Variants in ATP6AP2 observed in about 807,000 individuals in gnomAD.
The protein encoded by ATP6AP2 is ATPase H+ transporting accessory protein 2.
ATP6AP2 carries 1 observed loss-of-function variant against 23.4 expected under a neutral mutation model. The ratio of observed to expected loss-of-function variants is 0.04; its 90% confidence interval spans 0.02 to 0.20. The LOEUF (loss-of-function observed/expected upper bound fraction) is 0.20. Among genes scored for constraint, ATP6AP2 ranks in the 10% least tolerant of loss-of-function variants. ATP6AP2 has a pLI of 1.00. For missense variants in ATP6AP2, 174 were observed against 271.3 expected (o/e 0.64, Z 2.52); for synonymous variants, 90 against 97.1 (o/e 0.93, Z 0.43).
intron 8 of ATP6AP2, among the ~76,000 whole-genome samples, chrX:40,602,913 C>CTTTTTT (rs1351897356): frequency 3.5e-4 from 16 of 45,239 alleles, no homozygotes; most frequent in African/African-American, 1.8e-3. Context: ...CCAGAGAATT[C>CTTTTTT]TTTTTTTTTT....
At chrX:40,599,811 T>C in intron 7 of ATP6AP2, 70 bp downstream of exon 7, 1 of 1,161,125 alleles carries the variant, frequency 8.6e-7, no homozygotes, top group Non-Finnish European at 1.2e-6. Context: ...TAGAAAAATC[T>C]GCTGTTTCAA....
chrX:40,587,848 T>A (rs746986455), intron 1 of ATP6AP2, among the ~76,000 whole-genome samples: 21 of 112,367 alleles, frequency 1.9e-4, no homozygotes, highest in African/African-American at 6.8e-4. Flanking sequence ...AAACTCAGCT[T>A]GGGTGACATA....
rs1926813426 is a variant in ATP6AP2 at position 40,597,837 on chromosome X, C to T, written c.534+173C>T. 2 of 475,671 alleles carry T rather than the reference C, an allele frequency of 4.2e-6. 1 individual carries two copies. The highest frequency in any genetic ancestry group is 7.4e-5 in the Admixed American group (2 of 26,896). The allele number at this position is 475,671 out of a possible 1,213,427, so 39.2% of individuals were successfully genotyped here. On this transcript the variant is annotated intron_variant, in intron 5 of 8. Transcript: ENST00000636580. ...ACAGGCTTGAGCCACTGCATCTGGC[C>T]TCCCATTCCTTATACTACTTGAAAT...
intron 2 of ATP6AP2, 196 bp downstream of exon 2, chrX:40,589,312 C>T (rs1368971069): frequency 4.7e-6 from 2 of 425,441 alleles, no homozygotes; most frequent in Non-Finnish European, 7.8e-6. Flanking sequence ...GTGGGAGGCT[C>T]AGTTGAACCC....
intron 3 of ATP6AP2, chrX:40,592,523 G>C (rs1356757403): frequency 1.8e-5 from 2 of 110,593 alleles, no homozygotes; most frequent in East Asian, 5.6e-4. Flanking sequence ...GAAAAAATTT[G>C]TGAAAAAAAG....
At chrX:40,585,115 A>G (rs1926431755) in intron 1 of ATP6AP2, among the ~76,000 whole-genome samples, 1 of 112,520 alleles carries the variant, frequency 8.9e-6, no homozygotes, top group Admixed American at 9.4e-5. Context: ...ATTTGGGTTT[A>G]TCTGATGTTT....
rs778843814 is a variant in ATP6AP2, at chrX:40,602,242, A to G, written c.858+1361A>G. 4.3e-4 allele frequency among the ~76,000 whole-genome samples: 43 copies of G among 101,063 alleles called. 2 individuals are homozygous for G. The highest frequency in any genetic ancestry group is 8.6e-4 in the Admixed American group (8 of 9,310). 87.8% of individuals were successfully genotyped at this position (101,063 alleles called of 115,157 possible). On this transcript the variant is annotated intron_variant, in intron 8 of 8. Transcript: ENST00000636580. ...GGTTGCAGTGAGCCAAGATTGCACCACTGCACTCTAGCCTGGGAGACACAG... is the reference window on the plus strand; with the variant it reads ...GGTTGCAGTGAGCCAAGATTGCACCGCTGCACTCTAGCCTGGGAGACACAG...
intron 3 of ATP6AP2, among the ~76,000 whole-genome samples, chrX:40,594,071 A>G (rs1488561456): frequency 6.4e-5 from 7 of 108,820 alleles, no homozygotes; most frequent in Non-Finnish European, 3.8e-5. Flanking sequence ...AGTAGATTTT[A>G]GATACTTTTA....
chrX:40,596,253 G>A (rs761506709), intron 3 of ATP6AP2, among the ~76,000 whole-genome samples: 1 of 111,309 alleles, frequency 9.0e-6, no homozygotes, highest in Non-Finnish European at 1.9e-5. Context: ...TATCATATTA[G>A]CGTTACTTTG....
intron 1 of ATP6AP2, among the ~76,000 whole-genome samples, chrX:40,585,320 G>T (rs752534886): frequency 9.0e-6 from 1 of 111,525 alleles, no homozygotes; most frequent in African/African-American, 3.3e-5. Flanking sequence ...GGGCTGACAG[G>T]GTTGAAATCT....
rs767283025 is a variant in ATP6AP2, at chrX:40,605,550, C to T, written c.859-11C>T. ...TTCCCTCTTGATTTTTCTTTCTTTTCTATATTGTAGAAGAACCCAGCAAGT... is the reference window on the plus strand; with the variant it reads ...TTCCCTCTTGATTTTTCTTTCTTTTTTATATTGTAGAAGAACCCAGCAAGT... On this transcript the variant is annotated splice_polypyrimidine_tract_variant and intron_variant, in intron 8 of 8. Transcript: ENST00000636580. The T allele has an allele frequency of 5.0e-5, 59 of 1,181,549 alleles. No homozygotes were observed. Among genetic ancestry groups the T allele is most frequent in the Middle Eastern group, 2.3e-4 (1 of 4,305 alleles).
chrX:40,589,271 G>A (rs1602398423), intron 2 of ATP6AP2, 155 bp downstream of exon 2: 2 of 651,417 alleles, frequency 3.1e-6, no homozygotes, highest in East Asian at 3.7e-5. Flanking sequence ...AGTGGCTCAC[G>A]CCTGTAATCC....
At chrX:40,584,349 G>A (rs952506312) in intron 1 of ATP6AP2, among the ~76,000 whole-genome samples, 8 of 98,567 alleles carry the variant, frequency 8.1e-5, no homozygotes, top group African/African-American at 1.9e-4. Context: ...GTGAGCCATC[G>A]CACCCAGCCT....
At position 40,591,364 on chromosome X, in the gene ATP6AP2, A is replaced by G; in HGVS notation, c.299A>G (p.Asn100Ser). Residue 100 changes from asparagine (N) to serine (S), a missense_variant and splice_region_variant, in exon 3 of 9, where the codon AAT (asparagine) becomes AGT (serine). By Grantham distance (46) the Asn-to-Ser change is conservative (BLOSUM62 1). Transcript: ENST00000636580. ...AGTGTCATTTCGTACCCTTTGGAGA[A>G]TGTGAGTATTTATTATAAAAAATTA... The part of the protein sequence containing the change: ...PGSVISYPLE[N>S]AVPFSLDSVA... 1 of 1,210,522 alleles carries G rather than the reference A, an allele frequency of 8.3e-7. No homozygotes were observed.
chrX:40,598,450 T>C, intron 5 of ATP6AP2: 2 of 409,680 alleles, frequency 4.9e-6, no homozygotes, highest in East Asian at 4.1e-5. Context: ...GCCAAAAATA[T>C]AGCTATTGAG....
chrX:40,593,245 T>G (rs1270851215), intron 3 of ATP6AP2, among the ~76,000 whole-genome samples: 1 of 108,701 alleles, frequency 9.2e-6, no homozygotes, highest in Non-Finnish European at 1.9e-5. Flanking sequence ...AGACTCCATC[T>G]GGGAAAAAAA....
At chrX:40,597,002 GTGT>G (rs1472696814) in intron 3 of ATP6AP2, 3 of 365,710 alleles carry the variant, frequency 8.2e-6, no homozygotes, top group Non-Finnish European at 1.4e-5. Context: ...GCTAGATATA[GTGT>G]TGTGTCCATC....
chrX:40,598,151 T>A, intron 5 of ATP6AP2: 1 of 170,711 alleles, frequency 5.9e-6, no homozygotes, highest in South Asian at 1.2e-4. Context: ...TTCTCATTCA[T>A]TCTGGACATT....
chrX:40,584,441 G>A (rs1926412561), intron 1 of ATP6AP2, among the ~76,000 whole-genome samples: 2 of 104,706 alleles, frequency 1.9e-5, no homozygotes, highest in South Asian at 8.7e-4. Flanking sequence ...GCACGATCTC[G>A]GCTCACTACA....
Sources: allele counts gnomAD v4.1 joint callset (sites outside exome capture counted in the v4.1 genomes callset), GRCh38; gene constraint gnomAD v4.1.1; transcripts MANE v1.5; gene names NCBI Gene and HGNC (gene_info 2026-07-23, HGNC 2026-07-21).